Variants in CFAP95 observed in about 807,000 individuals in gnomAD.
CFAP95 encodes cilia and flagella associated protein 95.
the CFAP95 span, among the ~76,000 whole-genome samples, chr9:69,842,967 G>C: frequency 6.6e-6 from 1 of 152,202 alleles, no homozygotes; most frequent in Admixed American, 6.5e-5. Flanking sequence ...CAGGGGCTGA[G>C]CCCTAGTCCA....
chr9:69,842,923 G>T, the CFAP95 span, among the ~76,000 whole-genome samples: 1 of 152,214 alleles, frequency 6.6e-6, no homozygotes, highest in Non-Finnish European at 1.5e-5. Context: ...ATGCTCAGAG[G>T]TGGGGAGGCA....
chr9:69,823,613 A>G, the CFAP95 span, among the ~76,000 whole-genome samples: 1 of 152,210 alleles, frequency 6.6e-6, no homozygotes, highest in Non-Finnish European at 1.5e-5. Context: ...GAACAGTAGA[A>G]GTTAGTTTCG....
At chr9:69,874,006 A>G in the CFAP95 span, among the ~76,000 whole-genome samples, 1 of 152,188 alleles carries the variant, frequency 6.6e-6, no homozygotes, top group Non-Finnish European at 1.5e-5. Context: ...AAAGTATATA[A>G]TAACTACAAC....
the CFAP95 span, chr9:69,902,153 T>C: frequency 3.0e-6 from 1 of 336,272 alleles, no homozygotes; most frequent in Non-Finnish European, 5.8e-6. Context: ...AAAGGGACTT[T>C]GCCTGATTAA....
chr9:69,836,098 T>A, the CFAP95 span, among the ~76,000 whole-genome samples: 2 of 152,214 alleles, frequency 1.3e-5, no homozygotes, highest in Admixed American at 6.5e-5. Flanking sequence ...AGATTGTTTT[T>A]ACTGATTGTT....
the CFAP95 span, among the ~76,000 whole-genome samples, chr9:69,897,286 A>G: frequency 6.6e-6 from 1 of 152,222 alleles, no homozygotes; most frequent in South Asian, 2.1e-4. Context: ...TTATAGGCAT[A>G]CTGGGGAAGA....
chr9:69,827,101 C>G, the CFAP95 span, among the ~76,000 whole-genome samples: 9 of 152,158 alleles, frequency 5.9e-5, no homozygotes, highest in Non-Finnish European at 1.5e-5. Flanking sequence ...TAAGCTTGTG[C>G]TGTTCCTAGT....
the CFAP95 span, chr9:69,887,030 CT>C: frequency 1.6e-6 from 1 of 636,398 alleles, no homozygotes; most frequent in South Asian, 2.2e-5. Context: ...GAGATATTAG[CT>C]GTTTATTGGA....
chr9:69,841,164 TTATATATATATATATATATA>T, the CFAP95 span, among the ~76,000 whole-genome samples: 9 of 56,076 alleles, frequency 1.6e-4, no homozygotes, highest in South Asian at 4.3e-3. Flanking sequence ...CCAAGCTGGA[TTATATATATATATATATATA>T]TATATATATA....
At chr9:69,858,813 A>G in the CFAP95 span, among the ~76,000 whole-genome samples, 95 of 152,288 alleles carry the variant, frequency 6.2e-4, no homozygotes, top group African/African-American at 2.2e-3. Context: ...ACAGCAAGAG[A>G]CTATTTTTAC....
At chr9:69,851,321 C>T in the CFAP95 span, among the ~76,000 whole-genome samples, 2 of 152,112 alleles carry the variant, frequency 1.3e-5, no homozygotes, top group South Asian at 2.1e-4. Context: ...GGACAAAATG[C>T]TGTGCAGCTT....
At chr9:69,839,722 G>C in the CFAP95 span, among the ~76,000 whole-genome samples, 4 of 151,434 alleles carry the variant, frequency 2.6e-5, no homozygotes, top group African/African-American at 9.7e-5. Flanking sequence ...CACCATGTCT[G>C]GACAAATTTT....
the CFAP95 span, among the ~76,000 whole-genome samples, chr9:69,833,309 G>T: frequency 6.6e-6 from 1 of 151,962 alleles, no homozygotes; most frequent in African/African-American, 2.4e-5. Flanking sequence ...TATTTTCAAG[G>T]TTCATCTGTG....
At chr9:69,902,382 C>T in the CFAP95 span, 2 of 450,362 alleles carry the variant, frequency 4.4e-6, no homozygotes, top group Non-Finnish European at 8.9e-6. Flanking sequence ...CTAAAGTCCT[C>T]AAAACTGTGA....
chr9:69,874,118 T>G, the CFAP95 span, among the ~76,000 whole-genome samples: 8 of 152,206 alleles, frequency 5.3e-5, no homozygotes, highest in African/African-American at 1.9e-4. Context: ...CATATCCTAG[T>G]GAATTTACTG....
chr9:69,854,386 G>A, the CFAP95 span, among the ~76,000 whole-genome samples: 1 of 152,150 alleles, frequency 6.6e-6, no homozygotes, highest in Non-Finnish European at 1.5e-5. Flanking sequence ...ATAGCCTCTG[G>A]AGTTTGTTTA....
the CFAP95 span, among the ~76,000 whole-genome samples, chr9:69,897,858 C>T: frequency 1.3e-5 from 2 of 152,048 alleles, no homozygotes; most frequent in Non-Finnish European, 2.9e-5. Context: ...ACTAGGAGGA[C>T]CCTCCTTTAA....
the CFAP95 span, among the ~76,000 whole-genome samples, chr9:69,823,128 C>T: frequency 4.6e-5 from 7 of 152,270 alleles, no homozygotes; most frequent in South Asian, 1.5e-3. Flanking sequence ...AGGAAACTTA[C>T]AACCATGGTG....
chr9:69,886,837 G>T, the CFAP95 span: 1 of 1,611,902 alleles, frequency 6.2e-7, no homozygotes, highest in Non-Finnish European at 8.5e-7. Context: ...ATCCCTCTTA[G>T]GTGTGCATTG....
Sources: allele counts gnomAD v4.1 joint callset (sites outside exome capture counted in the v4.1 genomes callset), GRCh38; gene constraint gnomAD v4.1.1; transcripts MANE v1.5; gene names NCBI Gene and HGNC (gene_info 2026-07-23, HGNC 2026-07-21).